Variants in TJAP1 observed in about 807,000 individuals in gnomAD.
TJAP1 encodes tight junction associated protein 1.
TJAP1 carries 27 observed loss-of-function variants against 42.0 expected under a neutral mutation model. The ratio of observed to expected loss-of-function variants is 0.64; its 90% confidence interval spans 0.47 to 0.89. The LOEUF (loss-of-function observed/expected upper bound fraction) is 0.89, where lower values mean the gene tolerates loss of function less well. Ranked by LOEUF, TJAP1 falls within the 40% of genes least tolerant of loss-of-function variation. The pLI is 0.00. For synonymous variants in TJAP1, 257 were observed against 288.4 expected, an observed-to-expected ratio of 0.89 and a Z score of 1.10; for missense variants, 712 against 726.9, an observed-to-expected ratio of 0.98 and a Z score of 0.24.
intron 2 of TJAP1, among the ~76,000 whole-genome samples, chr6:43,484,819 G>A (rs189562748): frequency 5.3e-5 from 8 of 152,274 alleles, no homozygotes; most frequent in Admixed American, 3.9e-4. Flanking sequence ...TCCACCTCCC[G>A]GGTTCAGGCA....
Position 43,506,190 on chromosome 6 carries a change from C to A in TJAP1, c.*335C>A, listed in dbSNP as rs865891986. On this transcript the variant is annotated 3_prime_UTR_variant, in exon 11 of 11. Coordinates refer to ENST00000372449, the Ensembl canonical transcript of TJAP1. ...AGCTGAGGAGTTTATCAGTATTCAT[C>A]TTCCATCCTTTCATAGTCACAAGTT... 4.6e-5 allele frequency: 11 copies of A among 240,768 alleles called. No homozygotes were observed. The Middle Eastern group carries it at 3.8e-3, about 84-fold the overall frequency. The allele number at this position is 240,768 out of a possible 1,614,324, so 14.9% of individuals were successfully genotyped here. A position where few individuals can be genotyped will look rare whatever the true frequency, so the allele number is the denominator to read the frequency against.
At chr6:43,484,951 C>T (rs773922052) in intron 2 of TJAP1, among the ~76,000 whole-genome samples, 6 of 152,236 alleles carry the variant, frequency 3.9e-5, no homozygotes, top group African/African-American at 9.6e-5. Context: ...TGGTCTTGAA[C>T]TCCTGGCCTC....
At chr6:43,501,759 C>G (rs1403549210) in intron 6 of TJAP1, 72 bp downstream of exon 6, 7 of 613,592 alleles carry the variant, frequency 1.1e-5, no homozygotes, top group African/African-American at 6.3e-5. Flanking sequence ...CACACACACA[C>G]TCTCTCTGTC....
intron 2 of TJAP1, chr6:43,496,898 C>G (rs1789300313): frequency 6.6e-6 from 1 of 152,342 alleles, no homozygotes; most frequent in African/African-American, 2.4e-5. Context: ...GCACCCATCT[C>G]TGAACCTCAG....
intron 2 of TJAP1, among the ~76,000 whole-genome samples, chr6:43,488,613 G>A (rs2127521858): frequency 6.6e-6 from 1 of 152,328 alleles, no homozygotes; most frequent in East Asian, 1.9e-4. Flanking sequence ...GAGAGTCCCT[G>A]ATTTCTGAAA....
At chr6:43,499,259 G>T (rs1789962869) in intron 4 of TJAP1, 159 bp downstream of exon 4, 5 of 1,110,692 alleles carry the variant, frequency 4.5e-6, no homozygotes, top group Non-Finnish European at 5.1e-6. Context: ...TAGTGCAGGT[G>T]GGGGTAATGT....
At chr6:43,498,947 C>CT in intron 3 of TJAP1, 31 bp from the exon 4 acceptor site, 1 of 1,603,968 alleles carries the variant, frequency 6.2e-7, no homozygotes, top group South Asian at 1.1e-5. Context: ...GGCCACATCT[C>CT]TGAGCCTGCC....
chr6:43,499,695 G>A (rs940821956), intron 4 of TJAP1, among the ~76,000 whole-genome samples: 1 of 152,228 alleles, frequency 6.6e-6, no homozygotes, highest in Non-Finnish European at 1.5e-5. Flanking sequence ...AGGCAGAAAC[G>A]AGGGCCACAG....
At chr6:43,487,843 C>T (rs976094703) in intron 2 of TJAP1, among the ~76,000 whole-genome samples, 1 of 151,572 alleles carries the variant, frequency 6.6e-6, no homozygotes, top group East Asian at 1.9e-4. Flanking sequence ...AACCACTGTT[C>T]GCCATTTATC....
At chr6:43,484,968 TC>T (rs1232408407) in intron 2 of TJAP1, among the ~76,000 whole-genome samples, 1 of 152,196 alleles carries the variant, frequency 6.6e-6, no homozygotes, top group Non-Finnish European at 1.5e-5. Context: ...CCTCAGGTGA[TC>T]CACCCACCTG....
At chr6:43,500,834 A>T in intron 5 of TJAP1, 62 bp downstream of exon 5, 1 of 1,594,680 alleles carries the variant, frequency 6.3e-7, no homozygotes, top group Non-Finnish European at 8.6e-7. Flanking sequence ...GCTCCAGGCT[A>T]GACTGTTGGT....
At chr6:43,489,087 G>A (rs1787222017) in intron 2 of TJAP1, among the ~76,000 whole-genome samples, 1 of 152,162 alleles carries the variant, frequency 6.6e-6, no homozygotes, top group Non-Finnish European at 1.5e-5. Flanking sequence ...AGTGGGTGTG[G>A]ATATATGTGT....
chr6:43,503,598 C>G lies in TJAP1; in HGVS notation c.496-25C>G, dbSNP rs368098114. 13 of 1,613,108 alleles carry G rather than the reference C, an allele frequency of 8.1e-6. No individual in the cohort carries two copies. In the African/African-American group the frequency reaches 1.1e-4, roughly 13 times the overall value. On this transcript the variant is annotated intron_variant, in intron 9 of 10. Transcript: ENST00000372449. Reference sequence around the variant, plus strand: ...CTTCCTTGGAGAGGGCTGGGCTGGGCTCTGAAACAGGTCTGTGTCTGTAGG... The same window carrying G: ...CTTCCTTGGAGAGGGCTGGGCTGGGGTCTGAAACAGGTCTGTGTCTGTAGG...
intron 2 of TJAP1, among the ~76,000 whole-genome samples, chr6:43,482,844 C>T (rs1022711274): frequency 3.9e-5 from 6 of 152,196 alleles, no homozygotes; most frequent in Non-Finnish European, 1.5e-5. Context: ...GTCTTCCTGG[C>T]TGGGCGTGGT....
chr6:43,505,800 T>C lies in TJAP1; in HGVS notation c.1619T>C (p.Leu540Pro). The C allele has an allele frequency of 6.7e-7, 1 of 1,502,728 alleles. No individual in the cohort carries two copies. Among genetic ancestry groups the C allele is most frequent in the Non-Finnish European group, 8.9e-7 (1 of 1,129,732 alleles). 93.1% of individuals were successfully genotyped at this position (1,502,728 alleles called of 1,614,324 possible). Reference sequence around the variant, plus strand: ...CCCAAGAGGATGGGGGTTCACCACCTGCACCGCAAGGACAGCCTGACCCAG... The same window carrying C: ...CCCAAGAGGATGGGGGTTCACCACCCGCACCGCAAGGACAGCCTGACCCAG... Residue 540 changes from leucine (L) to proline (P), a missense_variant, in exon 11 of 11, where the codon CTG becomes CCG. Transcript: ENST00000372449. This position sits in a 1 kb window ranked among gnomAD's most constrained non-coding sequence, Gnocchi z 5.5.
At chr6:43,496,352 G>A (rs1398232928) in intron 2 of TJAP1, among the ~76,000 whole-genome samples, 1 of 152,162 alleles carries the variant, frequency 6.6e-6, no homozygotes, top group Non-Finnish European at 1.5e-5. Context: ...TCCTCTGGAG[G>A]GGCAGCCCCA....
chr6:43,499,033 A>C, exon 4 of TJAP1: 1 of 1,613,968 alleles, frequency 6.2e-7, no homozygotes, highest in African/African-American at 1.3e-5. Flanking sequence ...AAGAAACCCT[A>C]CCGTAAGGCA....
intron 8 of TJAP1, 158 bp downstream of exon 8, chr6:43,502,775 C>T: frequency 4.7e-6 from 4 of 843,718 alleles, no homozygotes; most frequent in Non-Finnish European, 5.9e-6. Context: ...GCCTCCCTCC[C>T]AGGAGAGAGG....
chr6:43,500,636 A>G lies in TJAP1; in HGVS notation c.100-108A>G. 4.0e-6 allele frequency: 5 copies of G among 1,242,752 alleles called. No individual in the cohort carries two copies. The South Asian group carries it at 4.8e-5, about 12-fold the overall frequency. The allele number at this position is 1,242,752 out of a possible 1,614,324, so 77.0% of individuals were successfully genotyped here. On this transcript the variant is annotated intron_variant, in intron 4 of 10. Coordinates refer to ENST00000372449, the Ensembl canonical transcript of TJAP1. The stretch of plus-strand genomic sequence containing the variant: ...AGCCCTGCAGCCCTCTTCTGCTATA[A>G]GAGTCTTTGGGCTTCACACCTGAGC...
Sources: allele counts gnomAD v4.1 joint callset (sites outside exome capture counted in the v4.1 genomes callset), GRCh38; gene constraint gnomAD v4.1.1; non-coding constraint Gnocchi (gnomAD v3.1); transcripts MANE v1.5; gene names NCBI Gene and HGNC (gene_info 2026-07-23, HGNC 2026-07-21).